Variants in SPAG16 observed in about 807,000 individuals in gnomAD.
SPAG16 encodes the protein sperm-associated antigen 16 protein.
Under a neutral mutation model 80.4 loss-of-function variants are expected in SPAG16, and 86 were observed. The ratio of observed to expected loss-of-function variants is 1.07; its 90% CI spans 0.90 to 1.28. The LOEUF (loss-of-function observed/expected upper bound fraction) is 1.28, where lower values mean the gene tolerates loss of function less well. Ranked by LOEUF, SPAG16 falls within the 50% of genes most tolerant of loss-of-function variation. The probability of loss-of-function intolerance (pLI) is 0.00; values close to 1 mark genes in which losing one functional copy is unlikely to be tolerated. For missense variants in SPAG16, 870 were observed against 765.3 expected (o/e 1.14, Z -1.61); for synonymous variants, 294 against 265.9 (o/e 1.11, Z -1.03).
chr2:214,235,290 AAT>A (rs1427028207), intron 15 of SPAG16, among the ~76,000 whole-genome samples: 4 of 152,182 alleles, frequency 2.6e-5, no homozygotes, highest in African/African-American at 9.6e-5. Flanking sequence ...AAACTTACTT[AAT>A]ATGAGTCCAT....
intron 12 of SPAG16, among the ~76,000 whole-genome samples, chr2:213,966,441 A>G (rs1047049129): frequency 6.6e-6 from 1 of 152,214 alleles, no homozygotes; most frequent in Non-Finnish European, 1.5e-5. Context: ...TGCTTCTAAT[A>G]TTAGATGTTA....
At chr2:213,353,113 G>A (rs567427494) in intron 7 of SPAG16, among the ~76,000 whole-genome samples, 2 of 152,182 alleles carry the variant, frequency 1.3e-5, no homozygotes, top group Non-Finnish European at 2.9e-5. Flanking sequence ...TGACTTGTTT[G>A]ATTAGGTTGG....
At chr2:214,040,443 C>A (rs1043450354) in intron 13 of SPAG16, among the ~76,000 whole-genome samples, 21 of 152,162 alleles carry the variant, frequency 1.4e-4, no homozygotes, top group Admixed American at 3.9e-4. Flanking sequence ...CACTCCCACC[C>A]TTTACCCTCC....
At chr2:213,353,146 A>G (rs1273619451) in intron 7 of SPAG16, among the ~76,000 whole-genome samples, 1 of 152,178 alleles carries the variant, frequency 6.6e-6, no homozygotes, top group Non-Finnish European at 1.5e-5. Context: ...TGAAACCTGG[A>G]TAGTTCTGGA....
At position 214,357,577 on chromosome 2, in the gene SPAG16, C is replaced by T. The variant is rs73989454; in HGVS notation, c.1721-52563C>T. 5.9e-3 allele frequency among the ~76,000 whole-genome samples: 902 copies of T among 151,952 alleles called. 10 individuals are homozygous for T. The highest frequency in any genetic ancestry group is 0.02 in the African/African-American group (843 of 41,484). ...TTGTTCTCTCTAAAATGTGACTAGA[C>T]ATTTGTATAGTCTCTTGTTCCTTCA... On this transcript the variant is annotated intron_variant, in intron 15 of 15. Transcript: ENST00000331683.
At chr2:213,302,887 C>T (rs1293260234) in intron 3 of SPAG16, among the ~76,000 whole-genome samples, 6 of 152,092 alleles carry the variant, frequency 3.9e-5, no homozygotes, top group Admixed American at 2.0e-4. Flanking sequence ...ATACAACAAA[C>T]ATCCTTTAAC....
intron 11 of SPAG16, among the ~76,000 whole-genome samples, chr2:213,884,657 T>C (rs2662649): frequency 0.97 from 148,125 of 152,312 alleles, 72,168 homozygotes; most frequent in East Asian, 1. Context: ...TGTCTCATTA[T>C]ATAAACCCAT....
intron 10 of SPAG16, among the ~76,000 whole-genome samples, chr2:213,667,055 A>G (rs1196258084): frequency 6.6e-6 from 1 of 152,170 alleles, no homozygotes; most frequent in Non-Finnish European, 1.5e-5. Flanking sequence ...GAGGTAATGG[A>G]GAAAAGGTTA....
intron 15 of SPAG16, among the ~76,000 whole-genome samples, chr2:214,150,646 C>G (rs2055929680): frequency 6.6e-6 from 1 of 151,952 alleles, no homozygotes; most frequent in Admixed American, 6.6e-5. Flanking sequence ...GTATTCATGT[C>G]TTTGAATTTT....
At chr2:214,256,454 C>T (rs1690690845) in intron 15 of SPAG16, among the ~76,000 whole-genome samples, 1 of 151,846 alleles carries the variant, frequency 6.6e-6, no homozygotes, top group Non-Finnish European at 1.5e-5. Context: ...TCCTAGAAAC[C>T]TCTGTCTACT....
At chr2:213,925,264 C>T (rs16851125) in intron 11 of SPAG16, among the ~76,000 whole-genome samples, 36,435 of 151,978 alleles carry the variant, frequency 0.24, 4,919 homozygotes, top group South Asian at 0.37. Context: ...TTCAGATCTT[C>T]TGTCCCTAAA....
At chr2:213,354,105 G>A (rs950053932) in intron 7 of SPAG16, among the ~76,000 whole-genome samples, 2 of 152,046 alleles carry the variant, frequency 1.3e-5, no homozygotes, top group Non-Finnish European at 2.9e-5. Flanking sequence ...CTCATTGTTC[G>A]TTTCCCACCT....
intron 10 of SPAG16, among the ~76,000 whole-genome samples, chr2:213,633,446 T>C (rs1467417461): frequency 6.6e-6 from 1 of 152,180 alleles, no homozygotes; most frequent in African/African-American, 2.4e-5. Flanking sequence ...CTCTAATATA[T>C]AGTCTATCAT....
intron 15 of SPAG16, among the ~76,000 whole-genome samples, chr2:214,252,211 G>A (rs1415668824): frequency 6.6e-6 from 1 of 151,986 alleles, no homozygotes; most frequent in Non-Finnish European, 1.5e-5. Flanking sequence ...CACTGGATTT[G>A]CTTGCAAAAC....
At chr2:214,006,175 C>T (rs1575799470) in intron 12 of SPAG16, among the ~76,000 whole-genome samples, 1 of 152,084 alleles carries the variant, frequency 6.6e-6, no homozygotes, top group East Asian at 1.9e-4. Context: ...ATCAATGTTT[C>T]ATAATTCTAT....
At chr2:213,366,262 A>G (rs1035065772) in intron 8 of SPAG16, among the ~76,000 whole-genome samples, 1 of 152,156 alleles carries the variant, frequency 6.6e-6, no homozygotes, top group Non-Finnish European at 1.5e-5. Context: ...ACTTAAACAA[A>G]TGATGGCCCC....
rs539858944 is a variant in SPAG16 at position 214,291,160 on chromosome 2, G to A, written c.1721-118980G>A. Among the ~76,000 whole-genome samples the A allele has an allele frequency of 7.2e-5, 11 of 152,022 alleles. No individual in the cohort carries two copies. In the South Asian group the frequency reaches 2.1e-3, roughly 29 times the overall value. On this transcript the variant is annotated intron_variant, in intron 15 of 15. Coordinates refer to ENST00000331683, the MANE Select transcript of SPAG16 (RefSeq NM_024532.5). ...TTTTGACTTAAAATTGATTTTATGT[G>A]ACATAAGCATAGCTACTCCTGCTCG...
chr2:213,539,040 G>T (rs2076341857), intron 10 of SPAG16, among the ~76,000 whole-genome samples: 1 of 152,080 alleles, frequency 6.6e-6, no homozygotes, highest in Non-Finnish European at 1.5e-5. Flanking sequence ...ACATAATCTG[G>T]TTATCTTCTA....
chr2:213,468,510 T>TAG (rs1559163069), intron 9 of SPAG16, among the ~76,000 whole-genome samples: 7 of 139,450 alleles, frequency 5.0e-5, no homozygotes, highest in African/African-American at 2.0e-4. Flanking sequence ...TATAGATATA[T>TAG]ATATATCTAT....
Sources: gnomAD v4.1 joint callset for allele counts (sites outside exome capture counted in the v4.1 genomes callset) on GRCh38, gnomAD v4.1.1 for gene constraint, MANE v1.5 for transcripts, NCBI Gene and HGNC (gene_info 2026-07-23, HGNC 2026-07-21) for gene names.